Variants in TOX3 observed in about 807,000 individuals in gnomAD.
The protein encoded by TOX3 is CAG trinucleotide repeat-containing gene F9 protein.
TOX3 carries 22 observed loss-of-function variants against 64.3 expected under a neutral mutation model. The ratio of observed to expected loss-of-function variants is 0.34; its 90% CI spans 0.24 to 0.49. The LOEUF is 0.49. Among genes scored for constraint, TOX3 ranks in the 20% least tolerant of loss-of-function variants. The probability of loss-of-function intolerance (pLI) is 0.99; values close to 1 mark genes in which losing one functional copy is unlikely to be tolerated. For missense variants in TOX3, 661 were observed against 714.4 expected (o/e 0.93, Z 0.85); for synonymous variants, 291 against 273.6 (o/e 1.06, Z -0.63).
chr16:52,505,024 G>C (rs970929536), intron 1 of TOX3, among the ~76,000 whole-genome samples: 1 of 151,996 alleles, frequency 6.6e-6, no homozygotes, highest in Non-Finnish European at 1.5e-5. Context: ...TAGTAGAGAC[G>C]GGTTTCACCA....
intron 1 of TOX3, among the ~76,000 whole-genome samples, chr16:52,492,109 A>G (rs1171080271): frequency 1.3e-5 from 2 of 151,912 alleles, no homozygotes; most frequent in African/African-American, 4.8e-5. Flanking sequence ...CTATTTCTCA[A>G]AATGGGTCTG....
Position 52,444,647 on chromosome 16 carries a change from C to T in TOX3, c.907-291G>A, listed in dbSNP as rs181071786. The T allele has an allele frequency of 5.7e-3, 1,556 of 270,688 alleles. 33 individuals carry two copies. Among genetic ancestry groups the T allele is most frequent in the African/African-American group, 0.032 (1,437 of 45,494 alleles). 16.8% of individuals were successfully genotyped at this position (270,688 alleles called of 1,614,324 possible). A position where few individuals can be genotyped will look rare whatever the true frequency, so the allele number is the denominator to read the frequency against. On this transcript the variant is annotated intron_variant, in intron 5 of 6. Coordinates refer to ENST00000219746, the MANE Select transcript of TOX3 (RefSeq NM_001080430.4). ...TGCAATACAGATTACTTGAGAATCA[C>T]TTTTTCTTGAGAACAGCTGAAAACC... is the stretch of plus-strand genomic sequence containing the variant.
At chr16:52,482,961 T>A (rs1211108208) in intron 1 of TOX3, among the ~76,000 whole-genome samples, 1 of 152,108 alleles carries the variant, frequency 6.6e-6, no homozygotes, top group Non-Finnish European at 1.5e-5. Flanking sequence ...GATTTTTTTT[T>A]AAGAACTGCA....
intron 1 of TOX3, among the ~76,000 whole-genome samples, chr16:52,525,852 G>A (rs1346760115): frequency 6.6e-5 from 10 of 152,094 alleles, no homozygotes; most frequent in African/African-American, 9.7e-5. Context: ...GCAATACATC[G>A]CATTGAAAGG....
chr16:52,446,750 A>C (rs562480105), intron 4 of TOX3, among the ~76,000 whole-genome samples: 1 of 152,156 alleles, frequency 6.6e-6, no homozygotes, highest in African/African-American at 2.4e-5. Context: ...CAGAAATTCA[A>C]ATGGAAGTTA....
intron 1 of TOX3, among the ~76,000 whole-genome samples, chr16:52,517,370 A>C (rs1329253657): frequency 6.6e-6 from 1 of 152,140 alleles, no homozygotes; most frequent in Non-Finnish European, 1.5e-5. Context: ...AGAAAGGATT[A>C]GGCAGAGAAA....
At chr16:52,446,451 A>G (rs2151743136) in intron 4 of TOX3, among the ~76,000 whole-genome samples, 1 of 152,322 alleles carries the variant, frequency 6.6e-6, no homozygotes, top group East Asian at 1.9e-4. Flanking sequence ...TACGTTCACA[A>G]CATATGCTCG....
chr16:52,526,292 C>T (rs776054192), intron 1 of TOX3, among the ~76,000 whole-genome samples: 10 of 152,114 alleles, frequency 6.6e-5, no homozygotes, highest in South Asian at 2.1e-4. Flanking sequence ...CAGGAGATTA[C>T]GAAGCCAGGA....
At chr16:52,513,588 A>G (rs1395645405) in intron 1 of TOX3, among the ~76,000 whole-genome samples, 1 of 152,220 alleles carries the variant, frequency 6.6e-6, no homozygotes, top group Non-Finnish European at 1.5e-5. Context: ...AGTAAATGTT[A>G]GTTTGCTTTC....
intron 1 of TOX3, among the ~76,000 whole-genome samples, chr16:52,516,777 G>A (rs1348585176): frequency 6.6e-6 from 1 of 152,212 alleles, no homozygotes; most frequent in African/African-American, 2.4e-5. Flanking sequence ...ACTGCAAAGG[G>A]GTACAAGGAA....
chr16:52,452,343 T>A (rs1960377236), intron 3 of TOX3, among the ~76,000 whole-genome samples: 1 of 152,120 alleles, frequency 6.6e-6, no homozygotes, highest in African/African-American at 2.4e-5. Context: ...CGGTGTTTGG[T>A]TTTTTGTCCT....
At position 52,546,706 on chromosome 16, in the gene TOX3, G is replaced by A. The variant is rs1034948901; in HGVS notation, c.18C>T (p.Tyr6=). The A allele has an allele frequency of 2.1e-4, 323 of 1,538,590 alleles. No individual in the cohort carries two copies. The highest frequency in any genetic ancestry group is 2.6e-4 in the Non-Finnish European group (301 of 1,146,530). MDVRF[Y]PAAAGDPASL... ...TGGCAGGGTCCCCGGCCGCCGCGGG[G>A]TAGAACCTCACATCCATGCCGAAGC... is the stretch of plus-strand genomic sequence containing the variant. The change falls in exon 1 of 7, where the codon TAC becomes TAT. Residue 6 remains tyrosine (Y), a synonymous_variant. Transcript: ENST00000219746.
At position 52,439,416 on chromosome 16, in the gene TOX3, G is replaced by A; in HGVS notation, c.1540C>T (p.Leu514Phe). ...ATGTGTTGCAGCTGCTGCAGCTGGA[G>A]GCGCTGCTGCAGCTGCTGCTGCAGC... ...QQLQQQLQQR[L>F]QLQQLQHMQH... Residue 514 changes from leucine to phenylalanine, a missense_variant, in exon 7 of 7, where the codon CTC (leucine) becomes TTC (phenylalanine). Coordinates refer to ENST00000219746, the MANE Select transcript of TOX3 (RefSeq NM_001080430.4). The A allele has an allele frequency of 6.4e-7, 1 of 1,568,160 alleles. No individual in the cohort carries two copies. The highest frequency in any genetic ancestry group is 8.7e-7 in the Non-Finnish European group (1 of 1,153,138).
At chr16:52,457,687 T>A (rs1417711700) in intron 3 of TOX3, among the ~76,000 whole-genome samples, 1 of 152,208 alleles carries the variant, frequency 6.6e-6, no homozygotes, top group Non-Finnish European at 1.5e-5. Context: ...GTTAAAATTT[T>A]ATTTCCAAAT....
At chr16:52,537,875 TGATA>T (rs1223827854) in intron 1 of TOX3, among the ~76,000 whole-genome samples, 7 of 68,740 alleles carry the variant, frequency 1.0e-4, no homozygotes, top group Admixed American at 1.9e-4. Context: ...CTGGCTGATA[TGATA>T]AAAAAAAAAA....
intron 1 of TOX3, among the ~76,000 whole-genome samples, chr16:52,498,601 C>G (rs1414254070): frequency 6.6e-6 from 1 of 152,030 alleles, no homozygotes; most frequent in Admixed American, 6.6e-5. Context: ...GGGGGGGAGG[C>G]TGTATTTTCT....
chr16:52,487,958 G>T (rs540557008), intron 1 of TOX3, among the ~76,000 whole-genome samples: 1 of 152,218 alleles, frequency 6.6e-6, no homozygotes, highest in East Asian at 1.9e-4. Flanking sequence ...CTAAAAAAAT[G>T]AAACTGACCC....
intron 1 of TOX3, among the ~76,000 whole-genome samples, chr16:52,494,826 T>G (rs1961796704): frequency 2.6e-5 from 4 of 152,250 alleles, no homozygotes; most frequent in African/African-American, 9.6e-5. Flanking sequence ...GAGAGAGGTT[T>G]TTTTCAGTTT....
rs779699137 is a variant in TOX3 at position 52,439,334 on chromosome 16, G to C, written c.1622C>G (p.Thr541Arg). The C allele has an allele frequency of 6.2e-6, 10 of 1,613,374 alleles. No homozygotes were observed. Among genetic ancestry groups the C allele is most frequent in the Non-Finnish European group, 6.8e-6 (8 of 1,179,558 alleles). Residue 541 changes from threonine (T) to arginine (R), a missense_variant, in exon 7 of 7, where the codon ACA (threonine) becomes AGA (arginine). Around this residue, in one of 3 missense-constraint regions of TOX3, gnomAD observed 299 missense variants for 292.1 expected, o/e 1.02. Coordinates refer to ENST00000219746, the MANE Select transcript of TOX3 (RefSeq NM_001080430.4). ...RQHSPVASQI[T>R]SPIPAIGSPQ... ...GCTCCCGATGGCAGGGATGGGGGAT[G>C]TTATCTGAGAGGCGACAGGGGAGTG...
Sources: allele counts gnomAD v4.1 joint callset (sites outside exome capture counted in the v4.1 genomes callset), GRCh38; gene constraint gnomAD v4.1.1; regional missense constraint gnomAD v4.1.1; transcripts MANE v1.5; gene names NCBI Gene and HGNC (gene_info 2026-07-23, HGNC 2026-07-21).